The following CRADD variants were observed in gnomAD, a reference collection of about 807,000 sequenced individuals.
CRADD encodes the protein death domain-containing protein CRADD.
CRADD carries 9 observed loss-of-function variants against 15.5 expected under a neutral mutation model. The ratio of observed to expected loss-of-function variants is 0.58; its 90% CI spans 0.35 to 1.01. The LOEUF is 1.01. Among genes scored for constraint, CRADD ranks in the 50% least tolerant of loss-of-function variants. The pLI is 0.02. For synonymous variants in CRADD, 118 were observed against 107.6 expected (o/e 1.10, Z -0.60); for missense variants, 227 against 250.3 (o/e 0.91, Z 0.63).
intron 2 of CRADD, among the ~76,000 whole-genome samples, chr12:93,762,749 A>G (rs1956980859): frequency 6.6e-6 from 1 of 152,126 alleles, no homozygotes; most frequent in South Asian, 2.1e-4. Flanking sequence ...CCTTCCAGAT[A>G]CAGTATCAAA....
chr12:93,870,850 G>C (rs1027957113), intron 2 of CRADD, among the ~76,000 whole-genome samples: 13 of 152,172 alleles, frequency 8.5e-5, no homozygotes, highest in African/African-American at 3.1e-4. Flanking sequence ...CTGCCTCAGG[G>C]GGCTGATTAT....
At chr12:93,766,148 C>T (rs1009210539) in intron 2 of CRADD, among the ~76,000 whole-genome samples, 30 of 152,184 alleles carry the variant, frequency 2.0e-4, no homozygotes, top group African/African-American at 7.0e-4. Context: ...GCCTGTTCTA[C>T]TTGTCATCGT....
At chr12:93,692,695 C>A (rs1955603236) in intron 2 of CRADD, among the ~76,000 whole-genome samples, 1 of 152,104 alleles carries the variant, frequency 6.6e-6, no homozygotes. Context: ...AGTTTATCAC[C>A]ACCACACCTG....
At chr12:93,777,885 C>T (rs1269109487) in intron 2 of CRADD, among the ~76,000 whole-genome samples, 1 of 152,122 alleles carries the variant, frequency 6.6e-6, no homozygotes, top group African/African-American at 2.4e-5. Flanking sequence ...TAAATCAAAC[C>T]ATGACCTCCA....
intron 2 of CRADD, among the ~76,000 whole-genome samples, chr12:93,859,968 C>T (rs1233653819): frequency 6.6e-6 from 1 of 151,536 alleles, no homozygotes; most frequent in Non-Finnish European, 1.5e-5. Flanking sequence ...GGGCTCAAGC[C>T]ATCCTCCTGC....
intron 2 of CRADD, among the ~76,000 whole-genome samples, chr12:93,717,285 A>G (rs1956178664): frequency 3.3e-5 from 5 of 152,160 alleles, no homozygotes; most frequent in Admixed American, 2.6e-4. Flanking sequence ...CCTTTATCAT[A>G]TGTGTCCTCT....
At chr12:93,880,621 GC>G (rs1958491451) in intron 2 of CRADD, among the ~76,000 whole-genome samples, 1 of 152,152 alleles carries the variant, frequency 6.6e-6, no homozygotes, top group Admixed American at 6.5e-5. Flanking sequence ...GAATAGAAGA[GC>G]ATCTCATCCC....
intron 2 of CRADD, among the ~76,000 whole-genome samples, chr12:93,752,600 A>G (rs1256880256): frequency 2.0e-5 from 3 of 152,182 alleles, no homozygotes; most frequent in South Asian, 4.1e-4. Context: ...CAGTTAGAAC[A>G]AAAAAATATA....
chr12:93,824,462 G>T lies in CRADD; in HGVS notation c.299-25508G>T, dbSNP rs963474813. On this transcript the variant is annotated intron_variant, in intron 2 of 2. Transcript: ENST00000332896. The surrounding 1 kb of genome is among the most constrained non-coding windows in gnomAD (Gnocchi z 4.3). The stretch of plus-strand genomic sequence containing the variant: ...CACACTACCAGGAAGCAGGCTAAAA[G>T]AATATTACATGGGGTTTTTGTGTTG... Among the ~76,000 whole-genome samples the T allele has an allele frequency of 2.0e-5, 3 of 151,600 alleles. No homozygotes were observed. The highest frequency in any genetic ancestry group is 7.3e-5 in the African/African-American group (3 of 41,262).
At chr12:93,875,742 T>C (rs563270314) in intron 2 of CRADD, among the ~76,000 whole-genome samples, 1 of 152,308 alleles carries the variant, frequency 6.6e-6, no homozygotes, top group South Asian at 2.1e-4. Flanking sequence ...TTTGTTGTTC[T>C]ATTTATATCT....
intron 2 of CRADD, among the ~76,000 whole-genome samples, chr12:93,805,373 A>C: frequency 6.6e-6 from 1 of 152,200 alleles, no homozygotes; most frequent in East Asian, 1.9e-4. Flanking sequence ...GGGTATATAC[A>C]GTCTAATTCA....
intron 2 of CRADD, among the ~76,000 whole-genome samples, chr12:93,883,096 T>G (rs1958514073): frequency 6.6e-6 from 1 of 152,234 alleles, no homozygotes; most frequent in African/African-American, 2.4e-5. Context: ...GGATATAATT[T>G]AATTAGGCAT....
intron 2 of CRADD, chr12:93,790,614 G>A (rs1485926422): frequency 6.6e-6 from 1 of 152,006 alleles, no homozygotes; most frequent in Non-Finnish European, 1.5e-5. Flanking sequence ...GGTTCTTGAT[G>A]GAAATCCCCT....
At chr12:93,753,366 C>A (rs536116664) in intron 2 of CRADD, among the ~76,000 whole-genome samples, 1 of 152,276 alleles carries the variant, frequency 6.6e-6, no homozygotes, top group South Asian at 2.1e-4. Context: ...TATCATTCCA[C>A]CCCTGGCCCC....
rs118005289 is a variant in CRADD at position 93,696,029 on chromosome 12, A to T, written c.298+16957A>T. 3.8e-3 allele frequency among the ~76,000 whole-genome samples: 580 copies of T among 152,378 alleles called. 4 individuals are homozygous for T. Among genetic ancestry groups the T allele is most frequent in the Middle Eastern group, 0.027 (8 of 294 alleles). On this transcript the variant is annotated intron_variant, in intron 2 of 2. Transcript: ENST00000332896. ...CCAGGGAAATGGAAATTAAAATTAT[A>T]ATGAGATATAACCTCATACCTATTA...
At chr12:93,710,622 G>A in intron 2 of CRADD, among the ~76,000 whole-genome samples, 1 of 152,170 alleles carries the variant, frequency 6.6e-6, no homozygotes, top group East Asian at 1.9e-4. Flanking sequence ...TGGGATTACA[G>A]GCGTGAACCA....
intron 2 of CRADD, among the ~76,000 whole-genome samples, chr12:93,744,037 G>A (rs184617463): frequency 2.0e-5 from 3 of 152,162 alleles, no homozygotes; most frequent in Admixed American, 6.5e-5. Flanking sequence ...TTTACCCCTT[G>A]TATTCGTTTT....
At chr12:93,718,684 A>G (rs766677187) in intron 2 of CRADD, among the ~76,000 whole-genome samples, 1 of 151,246 alleles carries the variant, frequency 6.6e-6, no homozygotes, top group African/African-American at 2.4e-5. Context: ...ATGACTTCCA[A>G]TTTGATCTTG....
intron 2 of CRADD, among the ~76,000 whole-genome samples, chr12:93,782,323 C>G (rs1957219631): frequency 7.3e-6 from 1 of 137,566 alleles, no homozygotes; most frequent in African/African-American, 2.8e-5. Flanking sequence ...AGGGGAACAT[C>G]ACACACCGGG....
Sources: gnomAD v4.1 joint callset for allele counts (sites outside exome capture counted in the v4.1 genomes callset) on GRCh38, gnomAD v4.1.1 for gene constraint, Gnocchi (gnomAD v3.1) non-coding constraint, MANE v1.5 for transcripts, NCBI Gene and HGNC (gene_info 2026-07-23, HGNC 2026-07-21) for gene names.